The following ORC5 variants were observed in gnomAD, a reference collection of about 807,000 sequenced individuals.
ORC5 encodes the protein origin recognition complex subunit 5.
A neutral mutation model predicts 58.8 loss-of-function variants in ORC5; 39 were observed. The observed-to-expected ratio is 0.66, with a 90% confidence interval of 0.51 to 0.87. The LOEUF is 0.87. ORC5 is among the 40% of genes least tolerant of loss of function. The probability of loss-of-function intolerance (pLI) is 0.00; values close to 1 mark genes in which losing one functional copy is unlikely to be tolerated. For missense variants in ORC5, 493 were observed against 506.3 expected, an observed-to-expected ratio of 0.97 and a Z score of 0.25; for synonymous variants, 218 against 177.6, an observed-to-expected ratio of 1.23 and a Z score of -1.81.
intron 12 of ORC5, among the ~76,000 whole-genome samples, chr7:104,153,348 T>C (rs746378846): frequency 2.6e-5 from 4 of 152,202 alleles, no homozygotes; most frequent in Non-Finnish European, 5.9e-5. Flanking sequence ...CAGTGGAGAC[T>C]GAGCATCATG....
At chr7:104,149,033 CAAA>C (rs35619742) in intron 12 of ORC5, among the ~76,000 whole-genome samples, 20 of 122,774 alleles carry the variant, frequency 1.6e-4, no homozygotes, top group Admixed American at 4.0e-4. Context: ...GACTCCGTCT[CAAA>C]AAAAAAAAAA....
intron 2 of ORC5, 135 bp from the exon 3 acceptor site, chr7:104,201,093 A>G: frequency 1.5e-6 from 1 of 673,368 alleles, no homozygotes; most frequent in Non-Finnish European, 2.6e-6. Context: ...AGAGCCTGAC[A>G]GCTACAGAAT....
chr7:104,177,814 A>G (rs551200361), intron 8 of ORC5, among the ~76,000 whole-genome samples: 5 of 152,308 alleles, frequency 3.3e-5, no homozygotes, highest in African/African-American at 1.2e-4. Context: ...GAGTGAGAAC[A>G]TGCAGTGTTT....
chr7:104,146,493 T>A (rs189576130), intron 12 of ORC5, among the ~76,000 whole-genome samples: 1 of 152,352 alleles, frequency 6.6e-6, no homozygotes, highest in East Asian at 1.9e-4. Context: ...ATGAATGAAC[T>A]ATTAATACAT....
intron 12 of ORC5, among the ~76,000 whole-genome samples, chr7:104,147,609 T>C (rs1798777824): frequency 6.6e-6 from 1 of 152,160 alleles, no homozygotes; most frequent in African/African-American, 2.4e-5. Flanking sequence ...CAATTGGCAT[T>C]ATCAGTCCCT....
chr7:104,181,618 T>A (rs940328055), intron 8 of ORC5, among the ~76,000 whole-genome samples: 30 of 151,618 alleles, frequency 2.0e-4, no homozygotes, highest in African/African-American at 6.8e-4. Context: ...ATGCTGTCTC[T>A]ACTAAAAATA....
At position 104,155,721 on chromosome 7, in the gene ORC5, T is replaced by G. The variant is rs182198069; in HGVS notation, c.1149+5351A>C. Among the ~76,000 whole-genome samples, 92 of 151,670 alleles carry G rather than the reference T, an allele frequency of 6.1e-4. 1 individual carries two copies. Among genetic ancestry groups the G allele is most frequent in the Non-Finnish European group, 1.0e-3 (69 of 67,612 alleles). On this transcript the variant is annotated intron_variant, in intron 12 of 13. Coordinates refer to ENST00000297431, the MANE Select transcript of ORC5 (RefSeq NM_002553.4). ...AAAATAAAGCAATATGGCTTTGAGA[T>G]TTTAAAATAAGTGGTATCTCTGATA... is the stretch of plus-strand genomic sequence containing the variant.
At chr7:104,176,813 A>G (rs1261245715) in intron 8 of ORC5, among the ~76,000 whole-genome samples, 1 of 152,236 alleles carries the variant, frequency 6.6e-6, no homozygotes, top group African/African-American at 2.4e-5. Flanking sequence ...AATTGTCGGC[A>G]TAAACTTTTG....
At chr7:104,203,020 A>T (rs2116104625) in intron 2 of ORC5, among the ~76,000 whole-genome samples, 1 of 152,368 alleles carries the variant, frequency 6.6e-6, no homozygotes, top group East Asian at 1.9e-4. Context: ...GGCATCTGAT[A>T]CAGCCTAGAG....
intron 12 of ORC5, among the ~76,000 whole-genome samples, chr7:104,159,982 A>G (rs780206880): frequency 6.6e-6 from 1 of 152,200 alleles, no homozygotes; most frequent in East Asian, 1.9e-4. Context: ...CCTGTAACAC[A>G]AATTAAAACT....
intron 12 of ORC5, among the ~76,000 whole-genome samples, chr7:104,139,769 C>A (rs569483286): frequency 1.3e-3 from 194 of 151,978 alleles, no homozygotes; most frequent in African/African-American, 4.3e-3. Flanking sequence ...ATGTTATGTT[C>A]TTTGTTACAT....
In ORC5 at chr7:104,207,986, G is replaced by GC; in HGVS notation, c.-83dup. On this transcript the variant is annotated 5_prime_UTR_variant, in exon 1 of 14. Transcript: ENST00000297431. ...GACGGAGCCTCTCCCGAGTCTGGCG[G>GC]CCCACGCTCCCGCCGGAAACCGGAC... is the stretch of plus-strand genomic sequence containing the variant. 7.4e-7 allele frequency: 1 copy of GC among 1,354,450 alleles called. No homozygotes were observed. The highest frequency in any genetic ancestry group is 1.0e-6 in the Non-Finnish European group (1 of 955,650). 83.9% of individuals were successfully genotyped at this position (1,354,450 alleles called of 1,614,324 possible).
In ORC5 at chr7:104,136,758, T is replaced by C. The variant is rs1194974509; in HGVS notation, c.1262+23A>G. 7.8e-6 allele frequency: 11 copies of C among 1,418,092 alleles called. No individual in the cohort carries two copies. The highest frequency in any genetic ancestry group is 2.8e-5 in the African/African-American group (2 of 71,194). The allele number at this position is 1,418,092 out of a possible 1,614,324, so 87.8% of individuals were successfully genotyped here. On this transcript the variant is annotated intron_variant, in intron 13 of 13. Transcript: ENST00000297431. This position sits in a 1 kb window ranked among gnomAD's most constrained non-coding sequence, Gnocchi z 4.2. ...ACTAATTTTTATATTTAGTATATCA[T>C]TACATAATTCAAGACATTTTACCTT...
At chr7:104,142,928 C>A (rs759459908) in intron 12 of ORC5, among the ~76,000 whole-genome samples, 10 of 152,230 alleles carry the variant, frequency 6.6e-5, no homozygotes, top group Middle Eastern at 3.4e-3. Context: ...AATTCAATAG[C>A]CTTCCCAGTG....
At chr7:104,196,701 T>C (rs1426549067) in intron 4 of ORC5, among the ~76,000 whole-genome samples, 2 of 152,184 alleles carry the variant, frequency 1.3e-5, no homozygotes, top group Non-Finnish European at 2.9e-5. Flanking sequence ...TATTACTTAA[T>C]ACTTTAATAC....
chr7:104,127,668 T>C (rs1199407651), intron 13 of ORC5, among the ~76,000 whole-genome samples: 1 of 152,224 alleles, frequency 6.6e-6, no homozygotes, highest in Non-Finnish European at 1.5e-5. Context: ...GAACAGCCTT[T>C]TAAAGATTCA....
At chr7:104,167,630 A>C (rs972102982) in intron 9 of ORC5, among the ~76,000 whole-genome samples, 7 of 152,216 alleles carry the variant, frequency 4.6e-5, no homozygotes, top group African/African-American at 1.4e-4. Flanking sequence ...CTGATTCTTA[A>C]GGGAAGGGAA....
intron 5 of ORC5, among the ~76,000 whole-genome samples, chr7:104,192,865 TA>T (rs35918809): frequency 2.6e-3 from 351 of 137,376 alleles, no homozygotes; most frequent in African/African-American, 3.8e-3. Flanking sequence ...AGACACTTGT[TA>T]AAAAAAAAAA....
At chr7:104,137,145 C>T (rs1393643924) in intron 12 of ORC5, among the ~76,000 whole-genome samples, 1 of 150,508 alleles carries the variant, frequency 6.6e-6, no homozygotes, top group Admixed American at 6.6e-5. Flanking sequence ...TTCTGTTACC[C>T]AGGCTAGAGT....
Sources: gnomAD v4.1 joint callset for allele counts (sites outside exome capture counted in the v4.1 genomes callset) on GRCh38, gnomAD v4.1.1 for gene constraint, Gnocchi (gnomAD v3.1) non-coding constraint, MANE v1.5 for transcripts, NCBI Gene and HGNC (gene_info 2026-07-23, HGNC 2026-07-21) for gene names.